The following GRK5 variants were observed in gnomAD, a reference collection of about 807,000 sequenced individuals.
GRK5 encodes g protein-coupled receptor kinase GRK5.
A neutral mutation model predicts 78.4 loss-of-function variants in GRK5; 40 were observed. The ratio of observed to expected loss-of-function variants is 0.51; its 90% CI spans 0.40 to 0.66. GRK5 has a LOEUF of 0.66. Ranked by LOEUF, GRK5 falls within the 30% of genes least tolerant of loss-of-function variation. The pLI is 0.00. For synonymous variants in GRK5, 289 were observed against 296.8 expected (o/e 0.97, Z 0.27); for missense variants, 598 against 759.9 (o/e 0.79, Z 2.50).
chr10:119,273,457 C>A (rs1849617392), intron 1 of GRK5, among the ~76,000 whole-genome samples: 1 of 152,182 alleles, frequency 6.6e-6, no homozygotes, highest in Admixed American at 6.5e-5. Flanking sequence ...TACATAAACT[C>A]ATCCATGATC....
At chr10:119,449,492 C>T (rs962719013) in intron 13 of GRK5, among the ~76,000 whole-genome samples, 7 of 152,158 alleles carry the variant, frequency 4.6e-5, no homozygotes, top group Admixed American at 3.9e-4. Flanking sequence ...TGGAGAAACA[C>T]GGGGGCCACT....
At position 119,443,759 on chromosome 10, in the gene GRK5, T is replaced by C; in HGVS notation, c.1266+7T>C. 1 of 1,589,568 alleles carries C rather than the reference T, an allele frequency of 6.3e-7. No individual in the cohort carries two copies. ...CAAGTCCATCTGCAAGATGGTGAGC[T>C]CCTGGTGGCCAGATGCCACCCTCAA... On this transcript the variant is annotated splice_region_variant and intron_variant, in intron 12 of 15. Coordinates refer to ENST00000392870, the MANE Select transcript of GRK5 (RefSeq NM_005308.3).
In GRK5 at chr10:119,455,636, T is replaced by C. The variant is rs564181590; in HGVS notation, c.*569T>C. 140 of 271,422 alleles carry C rather than the reference T, an allele frequency of 5.2e-4. No homozygotes were observed. Among genetic ancestry groups the C allele is most frequent in the African/African-American group, 3.0e-3 (128 of 42,420 alleles). 16.8% of individuals were successfully genotyped at this position (271,422 alleles called of 1,614,324 possible). On this transcript the variant is annotated 3_prime_UTR_variant, in exon 16 of 16. Transcript: ENST00000392870. ...TGATCCATACTTCACCTTTGAAGGA[T>C]TGGTTGTATTTACCCACATCTATCT...
intron 4 of GRK5, among the ~76,000 whole-genome samples, chr10:119,409,110 C>G (rs1039003228): frequency 3.9e-5 from 6 of 152,350 alleles, no homozygotes; most frequent in Non-Finnish European, 8.8e-5. Context: ...CCTCCGGGGC[C>G]CAGCCCAGCT....
At chr10:119,277,594 A>G (rs77367893) in intron 1 of GRK5, among the ~76,000 whole-genome samples, 3,895 of 152,314 alleles carry the variant, frequency 0.026, 73 homozygotes, top group Admixed American at 0.055. Flanking sequence ...ACAGTAAGCC[A>G]CACATATTTA....
chr10:119,227,981 G>A (rs775635678), intron 1 of GRK5, among the ~76,000 whole-genome samples: 9 of 152,206 alleles, frequency 5.9e-5, no homozygotes, highest in African/African-American at 1.2e-4. Flanking sequence ...AAAAATTAGC[G>A]TACCAATGAC....
chr10:119,310,047 C>T (rs1850333552), intron 1 of GRK5, among the ~76,000 whole-genome samples: 1 of 152,124 alleles, frequency 6.6e-6, no homozygotes, highest in South Asian at 2.1e-4. Context: ...GCTTCCCAGA[C>T]CATGTGTGTA....
At chr10:119,448,045 G>A in intron 12 of GRK5, 78 bp from the exon 13 acceptor site, 1 of 1,459,590 alleles carries the variant, frequency 6.9e-7, no homozygotes, top group Non-Finnish European at 9.0e-7. Context: ...TAGGCATGGT[G>A]CAGACACTGT....
chr10:119,374,432 A>G (rs775916083), intron 2 of GRK5, among the ~76,000 whole-genome samples: 3 of 152,248 alleles, frequency 2.0e-5, no homozygotes, highest in Admixed American at 1.3e-4. Context: ...CAAGCACCCA[A>G]ACCTCACCAG....
intron 2 of GRK5, among the ~76,000 whole-genome samples, chr10:119,371,576 T>C (rs1227646048): frequency 6.6e-6 from 1 of 152,234 alleles, no homozygotes; most frequent in East Asian, 1.9e-4. Flanking sequence ...ACATGTGGCC[T>C]GCTTCCGAGA....
chr10:119,378,204 C>A lies in GRK5; in HGVS notation c.149-2611C>A, dbSNP rs1404614304. 6.6e-6 allele frequency among the ~76,000 whole-genome samples: 1 copy of A among 152,174 alleles called. No homozygotes were observed. The highest frequency in any genetic ancestry group is 1.9e-4 in the East Asian group (1 of 5,192). On this transcript the variant is annotated intron_variant, in intron 2 of 15. Transcript: ENST00000392870. The surrounding 1 kb of genome is among the most constrained non-coding windows in gnomAD (Gnocchi z 4.5). ...CGGGCTGGGACCACATCCCTAGGTA[C>A]CCCTCCCCGTCAGAACCTGGCACAC...
chr10:119,296,730 G>T (rs906792366), intron 1 of GRK5, among the ~76,000 whole-genome samples: 1 of 152,110 alleles, frequency 6.6e-6, no homozygotes, highest in African/African-American at 2.4e-5. Flanking sequence ...TCAGTTTTGC[G>T]GCCCTCATAG....
intron 2 of GRK5, among the ~76,000 whole-genome samples, chr10:119,355,277 T>C (rs747101702): frequency 1.1e-4 from 16 of 152,238 alleles, no homozygotes; most frequent in Non-Finnish European, 4.4e-5. Context: ...TTTTTTCATC[T>C]GTTGATGAAC....
At chr10:119,220,824 C>CAA (rs546082321) in intron 1 of GRK5, among the ~76,000 whole-genome samples, 1,548 of 127,132 alleles carry the variant, frequency 0.012, 25 homozygotes, top group African/African-American at 0.042. Flanking sequence ...GACAGAGGCT[C>CAA]AAAAAAAAAA....
chr10:119,440,614 A>G (rs373624422), intron 10 of GRK5, among the ~76,000 whole-genome samples: 7 of 149,008 alleles, frequency 4.7e-5, no homozygotes, highest in African/African-American at 1.7e-4. Flanking sequence ...GCAGTGGTGC[A>G]ATCTCAACTC....
intron 9 of GRK5, 110 bp downstream of exon 9, chr10:119,436,951 A>T: frequency 1.0e-6 from 1 of 998,582 alleles, no homozygotes; most frequent in Non-Finnish European, 1.4e-6. Context: ...AGCCCTGGTC[A>T]GCACCAGGGG....
chr10:119,299,632 T>G (rs2133718919), intron 1 of GRK5, among the ~76,000 whole-genome samples: 1 of 152,268 alleles, frequency 6.6e-6, no homozygotes, highest in Admixed American at 6.5e-5. Flanking sequence ...TGAAAGAGTT[T>G]GAGAACTGCA....
intron 1 of GRK5, among the ~76,000 whole-genome samples, chr10:119,325,731 G>A (rs1258392194): frequency 1.3e-5 from 2 of 152,208 alleles, no homozygotes; most frequent in Non-Finnish European, 1.5e-5. Context: ...GTTTGCGCCT[G>A]TGCACCCTGA....
intron 10 of GRK5, among the ~76,000 whole-genome samples, chr10:119,440,497 C>T (rs183175505): frequency 3.9e-4 from 60 of 152,050 alleles, no homozygotes; most frequent in African/African-American, 1.2e-3. Context: ...CCTGCCTCAG[C>T]CTCCCAAGTA....
Sources: allele counts gnomAD v4.1 joint callset (sites outside exome capture counted in the v4.1 genomes callset), GRCh38; gene constraint gnomAD v4.1.1; non-coding constraint Gnocchi (gnomAD v3.1); transcripts MANE v1.5; gene names NCBI Gene and HGNC (gene_info 2026-07-23, HGNC 2026-07-21).